Variants in SYNE1 observed in about 807,000 individuals in gnomAD.
SYNE1 encodes nesprin-1.
In SYNE1, 616 loss-of-function variants were observed where a neutral mutation model predicts 1,111.0. The ratio of observed to expected loss-of-function variants is 0.55; its 90% CI spans 0.52 to 0.59. SYNE1 has a LOEUF of 0.59. Ranked by LOEUF, SYNE1 falls within the 20% of genes least tolerant of loss-of-function variation. SYNE1 has a pLI of 0.00. For missense variants in SYNE1, 10,006 were observed against 10,417.0 expected (o/e 0.96, Z 1.72); for synonymous variants, 3,855 against 3,825.8 (o/e 1.01, Z -0.28).
At chr6:152,390,985 T>G (rs2097608034) in intron 52 of SYNE1, among the ~76,000 whole-genome samples, 1 of 152,204 alleles carries the variant, frequency 6.6e-6, no homozygotes, top group African/African-American at 2.4e-5. Context: ...AACTTTTATC[T>G]CTATATTCCC....
chr6:152,561,866 A>C (rs547602865), intron 3 of SYNE1, among the ~76,000 whole-genome samples: 2 of 152,220 alleles, frequency 1.3e-5, no homozygotes, highest in East Asian at 1.9e-4. Context: ...CATGCAAATA[A>C]GTGAAACTGG....
chr6:152,287,570 CAG>C lies in SYNE1; in HGVS notation c.18013-3400_18013-3399del, dbSNP rs1047282448. 6.6e-5 allele frequency among the ~76,000 whole-genome samples: 10 copies of C among 152,238 alleles called. No homozygotes were observed. The East Asian group carries it at 1.2e-3, about 18-fold the overall frequency. ...ATTATTATTATTACTATTTTTGAGA[CAG>C]AGTCTCACCCTGTTGCTCGTGCTGG... On this transcript the variant is annotated intron_variant, in intron 95 of 145. Coordinates refer to ENST00000367255, the MANE Select transcript of SYNE1 (RefSeq NM_182961.4).
chr6:152,400,272 T>C (rs1353841370), intron 47 of SYNE1, among the ~76,000 whole-genome samples: 1 of 151,836 alleles, frequency 6.6e-6, no homozygotes, highest in East Asian at 1.9e-4. Flanking sequence ...TAAGGAAATA[T>C]GCTAAAAGAG....
At chr6:152,601,574 C>T (rs1211035924) in intron 3 of SYNE1, among the ~76,000 whole-genome samples, 2 of 152,180 alleles carry the variant, frequency 1.3e-5, no homozygotes, top group Non-Finnish European at 2.9e-5. Flanking sequence ...CCCAGGCAGG[C>T]TGCTATCCTG....
chr6:152,425,609 G>GCA, intron 38 of SYNE1, 62 bp from the exon 39 acceptor site: 3 of 1,589,922 alleles, frequency 1.9e-6, no homozygotes, highest in Non-Finnish European at 2.6e-6. Context: ...GGACCATGCG[G>GCA]CACAGGCGGC....
chr6:152,462,658 T>C (rs2098741185), intron 20 of SYNE1, 80 bp downstream of exon 20: 1 of 1,570,336 alleles, frequency 6.4e-7, no homozygotes, highest in Non-Finnish European at 8.7e-7. Context: ...GAAACAGCTT[T>C]TGCAATGATC....
intron 97 of SYNE1, 26 bp downstream of exon 97, chr6:152,281,781 A>G (rs1475244212): frequency 1.2e-6 from 2 of 1,613,866 alleles, no homozygotes; most frequent in South Asian, 1.1e-5. Context: ...TGATGTTGAC[A>G]TATTCCTTTG....
At chr6:152,353,562 A>C (rs369431662) in intron 68 of SYNE1, 27 bp downstream of exon 68, 9 of 1,614,150 alleles carry the variant, frequency 5.6e-6, no homozygotes, top group Non-Finnish European at 5.9e-6. Context: ...TTGCTGGTCT[A>C]TGCTGAGCAC....
intron 3 of SYNE1, among the ~76,000 whole-genome samples, chr6:152,616,967 G>A (rs1340074659): frequency 2.6e-5 from 4 of 152,098 alleles, no homozygotes; most frequent in South Asian, 4.1e-4. Context: ...CAGGCTTGCC[G>A]CCTATCCATA....
chr6:152,186,725 C>T (rs577934775), intron 128 of SYNE1, among the ~76,000 whole-genome samples: 2 of 152,076 alleles, frequency 1.3e-5, no homozygotes, highest in South Asian at 4.2e-4. Context: ...TATTATCTCT[C>T]TGAAGGCTTC....
At chr6:152,199,110 T>G (rs917988891) in intron 127 of SYNE1, among the ~76,000 whole-genome samples, 2 of 152,326 alleles carry the variant, frequency 1.3e-5, no homozygotes, top group African/African-American at 2.4e-5. Flanking sequence ...GATAAATTGC[T>G]AAGTCCTTCT....
At chr6:152,530,706 C>T (rs1363335704) in intron 4 of SYNE1, among the ~76,000 whole-genome samples, 1 of 151,418 alleles carries the variant, frequency 6.6e-6, no homozygotes, top group Non-Finnish European at 1.5e-5. Flanking sequence ...ACTGCAACCT[C>T]TGCCTCCCGG....
At chr6:152,377,650 T>TATAC (rs1554582372) in intron 56 of SYNE1, among the ~76,000 whole-genome samples, 4 of 103,490 alleles carry the variant, frequency 3.9e-5, no homozygotes. Flanking sequence ...AATATATATA[T>TATAC]ATATATATAT....
At chr6:152,172,734 C>T (rs1389378594) in intron 130 of SYNE1, among the ~76,000 whole-genome samples, 4 of 152,114 alleles carry the variant, frequency 2.6e-5, no homozygotes. Flanking sequence ...TGATGCGTCA[C>T]CAATGACAGC....
At chr6:152,179,433 T>A (rs2067302053) in intron 129 of SYNE1, 1 of 151,222 alleles carries the variant, frequency 6.6e-6, no homozygotes, top group African/African-American at 2.4e-5. Context: ...CTTAAGAATG[T>A]TTTCTTTCAG....
chr6:152,481,547 C>G (rs1012735528), intron 14 of SYNE1: 2 of 453,240 alleles, frequency 4.4e-6, no homozygotes, highest in Non-Finnish European at 8.9e-6. Flanking sequence ...CCCCCTGAAT[C>G]TGCAATTTAA....
rs1247386861 is a variant in SYNE1, at chr6:152,502,628, C to T, written c.888+5G>A. On this transcript the variant is annotated splice_donor_5th_base_variant and intron_variant, in intron 10 of 145. Coordinates refer to ENST00000367255, the MANE Select transcript of SYNE1 (RefSeq NM_182961.4). ...CAGTGATACTTGAAGAAAGCAAATA[C>T]CTACATCATCCTCTTGCCCATCAGT... 2 of 1,607,822 alleles carry T rather than the reference C, an allele frequency of 1.2e-6. No individual in the cohort carries two copies. The highest frequency in any genetic ancestry group is 2.2e-5 in the South Asian group (2 of 90,954).
intron 131 of SYNE1, among the ~76,000 whole-genome samples, chr6:152,158,883 A>T (rs1367540849): frequency 6.6e-6 from 1 of 152,246 alleles, no homozygotes; most frequent in African/African-American, 2.4e-5. Context: ...ATGAAATAGC[A>T]ACCCTAAGAT....
In SYNE1 at chr6:152,628,311, G is replaced by A; in HGVS notation, c.21C>T (p.Ala7=). MATSRG[A]SRCPRDIANV... Reference sequence around the variant, plus strand: ...TGGCGATATCCCGAGGACACCGGGAGGCCCCTCTGGAGGTTGCCATGGTCC... The same window carrying A: ...TGGCGATATCCCGAGGACACCGGGAAGCCCCTCTGGAGGTTGCCATGGTCC... Residue 7 remains alanine, a synonymous_variant, in exon 3 of 146, where the codon GCC becomes GCT. Coordinates refer to ENST00000367255, the MANE Select transcript of SYNE1 (RefSeq NM_182961.4). The A allele has an allele frequency of 6.2e-7, 1 of 1,614,168 alleles. No homozygotes were observed. The highest frequency in any genetic ancestry group is 1.1e-5 in the South Asian group (1 of 91,082).
Sources: gnomAD v4.1 joint callset for allele counts (sites outside exome capture counted in the v4.1 genomes callset) on GRCh38, gnomAD v4.1.1 for gene constraint, MANE v1.5 for transcripts, NCBI Gene and HGNC (gene_info 2026-07-23, HGNC 2026-07-21) for gene names.